Variants in LAMA3 observed in about 807,000 individuals in gnomAD.
The protein encoded by LAMA3 is laminin subunit alpha-3.
Under a neutral mutation model 402.0 loss-of-function variants are expected in LAMA3, and 281 were observed. The ratio of observed to expected loss-of-function variants is 0.70; its 90% CI spans 0.63 to 0.77. The LOEUF (loss-of-function observed/expected upper bound fraction) is 0.77, where lower values mean the gene tolerates loss of function less well. LAMA3 is among the 30% of genes least tolerant of loss of function. The pLI is 0.00. For synonymous variants in LAMA3, 1,431 were observed against 1,558.4 expected (o/e 0.92, Z 1.93); for missense variants, 3,840 against 4,215.5 (o/e 0.91, Z 2.47).
intron 47 of LAMA3, 51 bp downstream of exon 47, chr18:23,899,506 A>G (rs368868114): frequency 1.1e-5 from 17 of 1,574,556 alleles, no homozygotes; most frequent in African/African-American, 4.0e-5. Flanking sequence ...TTGATTTGAA[A>G]CACAACGTGC....
chr18:23,853,717 C>T (rs2063998581), intron 32 of LAMA3, among the ~76,000 whole-genome samples: 1 of 152,212 alleles, frequency 6.6e-6, no homozygotes, highest in South Asian at 2.1e-4. Flanking sequence ...TCTTGACCTG[C>T]CTCCCCAGAA....
At chr18:23,833,571 G>A (rs376939962) in intron 23 of LAMA3, among the ~76,000 whole-genome samples, 15 of 152,276 alleles carry the variant, frequency 9.9e-5, no homozygotes, top group Middle Eastern at 3.4e-3. Flanking sequence ...TTTAGAAAAC[G>A]AAAATACGGG....
intron 62 of LAMA3, among the ~76,000 whole-genome samples, chr18:23,921,992 T>G (rs899426105): frequency 6.6e-6 from 1 of 152,190 alleles, no homozygotes; most frequent in African/African-American, 2.4e-5. Context: ...AGGGAGCCTC[T>G]GGAAGAATGT....
chr18:23,809,333 A>G (rs1170460372), intron 12 of LAMA3, among the ~76,000 whole-genome samples: 4 of 152,244 alleles, frequency 2.6e-5, no homozygotes, highest in African/African-American at 9.6e-5. Flanking sequence ...GTCTGACTCC[A>G]AAGACTGAAG....
intron 70 of LAMA3, 141 bp from the exon 71 acceptor site, chr18:23,949,624 A>T: frequency 6.0e-6 from 5 of 834,540 alleles, no homozygotes; most frequent in Non-Finnish European, 8.1e-6. Flanking sequence ...GAGTTTGAAG[A>T]ACCTGACTTG....
At chr18:23,836,887 G>T in intron 24 of LAMA3, 94 bp from the exon 25 acceptor site, 1 of 829,262 alleles carries the variant, frequency 1.2e-6, no homozygotes, top group Non-Finnish European at 2.1e-6. Flanking sequence ...TTATAAACAG[G>T]TGAAACCAAA....
chr18:23,748,420 CAAA>C (rs749355061), intron 3 of LAMA3, among the ~76,000 whole-genome samples: 10 of 88,258 alleles, frequency 1.1e-4, no homozygotes, highest in Admixed American at 4.3e-4. Context: ...GACTCTGTCT[CAAA>C]AAAAAAAAAA....
At chr18:23,710,732 A>C (rs1258229115) in intron 1 of LAMA3, among the ~76,000 whole-genome samples, 1 of 152,236 alleles carries the variant, frequency 6.6e-6, no homozygotes, top group Non-Finnish European at 1.5e-5. Context: ...AGGACAAGGA[A>C]TACTTTAATA....
rs1568209426 is a variant in LAMA3 at position 23,812,040 on chromosome 18, A to AT, written c.1742-1011dup. Among the ~76,000 whole-genome samples, 8 of 151,568 alleles carry AT rather than the reference A, an allele frequency of 5.3e-5. No homozygotes were observed. In the East Asian group the frequency reaches 5.9e-4, roughly 11 times the overall value. On this transcript the variant is annotated intron_variant, in intron 13 of 74. Coordinates refer to ENST00000313654, the MANE Select transcript of LAMA3 (RefSeq NM_198129.4). ...AGGCATGTGCCACCATGCCTAGCTA[A>AT]TTTTTTGTATTTTTAGTAGAGATGG...
chr18:23,780,106 C>CT lies in LAMA3; in HGVS notation c.1468+2488dup, dbSNP rs372153228. ...CGGAGAATTTAAGGAATGGTGACTACTGAGGAGAATTGCAGTCTTGAATAC... is the reference window on the plus strand; with the variant it reads ...CGGAGAATTTAAGGAATGGTGACTACTTGAGGAGAATTGCAGTCTTGAATAC... On this transcript the variant is annotated intron_variant, in intron 11 of 74. Coordinates refer to ENST00000313654, the MANE Select transcript of LAMA3 (RefSeq NM_198129.4). Among the ~76,000 whole-genome samples the CT allele has an allele frequency of 8.4e-3, 1,282 of 152,314 alleles. 13 individuals are homozygous for CT. Among genetic ancestry groups the CT allele is most frequent in the South Asian group, 0.064 (308 of 4,810 alleles).
intron 60 of LAMA3, among the ~76,000 whole-genome samples, chr18:23,919,347 C>T (rs971353409): frequency 2.0e-5 from 3 of 152,166 alleles, no homozygotes; most frequent in Admixed American, 6.5e-5. Flanking sequence ...AATTGCTCAG[C>T]TTATCTTAGG....
Position 23,903,007 on chromosome 18 carries a change from A to T in LAMA3, c.6202-2A>T, listed in dbSNP as rs751684559. 2 of 1,577,234 alleles carry T rather than the reference A, an allele frequency of 1.3e-6. No individual in the cohort carries two copies. Reference sequence around the variant, plus strand: ...CAAGCAATTTTTTTTTATTTTCTCCAGAGACAAGTGAAAGAAATAAATTCC... The same window carrying T: ...CAAGCAATTTTTTTTTATTTTCTCCTGAGACAAGTGAAAGAAATAAATTCC... On this transcript the variant is annotated splice_acceptor_variant, in intron 48 of 74. Transcript: ENST00000313654. LOFTEE classifies it high-confidence loss of function.
Position 23,903,096 on chromosome 18 carries a change from G to A in LAMA3, c.6289G>A (p.Ala2097Thr). Residue 2097 changes from alanine to threonine, a missense_variant, in exon 49 of 75, where the codon GCG (alanine) becomes ACG (threonine). Transcript: ENST00000313654. ...CTCATCTTTGTTGCAAACCAACATT[G>A]CGCTGCAGCTGATGGAGAAAAGCCA... ...ADSSLLQTNI[A>T]LQLMEKSQKE... The A allele has an allele frequency of 1.9e-6, 3 of 1,611,430 alleles. No homozygotes were observed. Among genetic ancestry groups the A allele is most frequent in the Non-Finnish European group, 2.5e-6 (3 of 1,177,666 alleles).
Position 23,763,512 on chromosome 18 carries a change from A to G in LAMA3, c.1171A>G (p.Ile391Val). 6.3e-7 allele frequency: 1 copy of G among 1,595,534 alleles called. No individual in the cohort carries two copies. Among genetic ancestry groups the G allele is most frequent in the African/African-American group, 1.3e-5 (1 of 74,626 alleles). The part of the protein sequence containing the change: ...QGIYAGGGVC[I>V]NCQHNTAGVN... The stretch of plus-strand genomic sequence containing the variant: ...CATCTATGCTGGTGGAGGGGTCTGC[A>G]TTAACTGTCAGGTGAGGCACTATTT... The change falls in exon 8 of 75, where the codon ATT becomes GTT. Residue 391 changes from isoleucine (I) to valine (V), a missense_variant. Physicochemically the swap from Ile to Val is conservative, Grantham distance 29 (BLOSUM62 3). Transcript: ENST00000313654.
At chr18:23,744,781 A>C (rs527863554) in intron 2 of LAMA3, among the ~76,000 whole-genome samples, 1 of 149,588 alleles carries the variant, frequency 6.7e-6, no homozygotes, top group Non-Finnish European at 1.5e-5. Context: ...GCAGTGAGCC[A>C]AGATCGCACC....
At position 23,689,871 on chromosome 18, in the gene LAMA3, C is replaced by T. The variant is rs1189430078; in HGVS notation, c.188C>T (p.Thr63Ile). The change falls in exon 1 of 75, where the codon ACC becomes ATC. Residue 63 changes from threonine to isoleucine, a missense_variant. Transcript: ENST00000313654. The part of the protein sequence containing the change: ...NLAEAARIWA[T>I]ATCGERGPGE... ...GCCGAGGCGGCGAGGATTTGGGCCA[C>T]CGCCACCTGCGGGGAGAGGGGACCC... 3 of 1,546,296 alleles carry T rather than the reference C, an allele frequency of 1.9e-6. No individual in the cohort carries two copies. Among genetic ancestry groups the T allele is most frequent in the Non-Finnish European group, 2.6e-6 (3 of 1,145,990 alleles).
intron 2 of LAMA3, among the ~76,000 whole-genome samples, chr18:23,747,680 CATA>C (rs140206880): frequency 0.013 from 1,981 of 152,242 alleles, 44 homozygotes; most frequent in African/African-American, 0.044. Context: ...AATGGAATGG[CATA>C]TTGGTTAAGG....
rs780771463 is a variant in LAMA3, at chr18:23,905,514, G to C, written c.6616-8G>C. On this transcript the variant is annotated splice_region_variant and splice_polypyrimidine_tract_variant and intron_variant, in intron 51 of 74. Transcript: ENST00000313654. ...TTTGTTTAAGGCTGTTAAATGCTTT[G>C]CTTTCAGACAGTGATAAAGGAAGAT... The C allele has an allele frequency of 1.3e-6, 2 of 1,516,616 alleles. No individual in the cohort carries two copies. Among genetic ancestry groups the C allele is most frequent in the Non-Finnish European group, 9.2e-7 (1 of 1,092,352 alleles). The allele number at this position is 1,516,616 out of a possible 1,614,324, so 93.9% of individuals were successfully genotyped here. A position where few individuals can be genotyped will look rare whatever the true frequency, so the allele number is the denominator to read the frequency against.
At chr18:23,896,101 C>G (rs554415676) in intron 44 of LAMA3, among the ~76,000 whole-genome samples, 5 of 152,130 alleles carry the variant, frequency 3.3e-5, no homozygotes, top group South Asian at 4.1e-4. Context: ...TTTGGGAGGC[C>G]GAGGCGGGTA....
Sources: gnomAD v4.1 joint callset for allele counts (sites outside exome capture counted in the v4.1 genomes callset) on GRCh38, gnomAD v4.1.1 for gene constraint, MANE v1.5 for transcripts, NCBI Gene and HGNC (gene_info 2026-07-23, HGNC 2026-07-21) for gene names.